MCC: variants seen among roughly 807,000 people sequenced by gnomAD.
MCC encodes MCC regulator of Wnt signaling pathway.
In MCC, 90 loss-of-function variants were observed where a neutral mutation model predicts 116.2. The observed-to-expected ratio is 0.77, with a 90% CI of 0.65 to 0.92. The LOEUF is 0.92. Among genes scored for constraint, MCC ranks in the 40% least tolerant of loss-of-function variants. The pLI is 0.00. For missense variants in MCC, 1,516 were observed against 1,312.2 expected, an observed-to-expected ratio of 1.16 and a Z score of -2.40; for synonymous variants, 578 against 510.5, an observed-to-expected ratio of 1.13 and a Z score of -1.78.
chr5:113,330,172 A>C (rs1767664914), intron 3 of MCC, among the ~76,000 whole-genome samples: 1 of 152,220 alleles, frequency 6.6e-6, no homozygotes, highest in African/African-American at 2.4e-5. Context: ...TAATCAATCA[A>C]GTTTCTGTAC....
chr5:113,378,318 G>C (rs1180090212), intron 2 of MCC, among the ~76,000 whole-genome samples: 1 of 152,084 alleles, frequency 6.6e-6, no homozygotes, highest in Admixed American at 6.6e-5. Context: ...AGAAACTTCA[G>C]TACTTTATTT....
At chr5:113,196,152 T>C (rs368005949) in intron 3 of MCC, among the ~76,000 whole-genome samples, 30 of 152,382 alleles carry the variant, frequency 2.0e-4, no homozygotes, top group Admixed American at 1.3e-3. Flanking sequence ...GATATACCTA[T>C]GGGTGAGATA....
rs4705822 is a variant in MCC, at chr5:113,441,315, A to G, written c.170+46930T>C. Reference sequence around the variant, plus strand: ...GTGCCACTGCACCATCTGTTGCCTGAACGACAGAATGAGACACTGTCTCAA... The same window carrying G: ...GTGCCACTGCACCATCTGTTGCCTGGACGACAGAATGAGACACTGTCTCAA... On this transcript the variant is annotated intron_variant, in intron 1 of 18. Transcript: ENST00000408903. Among the ~76,000 whole-genome samples the G allele has an allele frequency of 8.6e-3, 1,303 of 152,314 alleles. 6 individuals carry two copies. The highest frequency in any genetic ancestry group is 0.013 in the Non-Finnish European group (874 of 68,032).
intron 3 of MCC, among the ~76,000 whole-genome samples, chr5:113,286,181 A>T (rs1040780458): frequency 6.6e-6 from 1 of 152,236 alleles, no homozygotes; most frequent in Non-Finnish European, 1.5e-5. Flanking sequence ...TAAGGGAAGG[A>T]ACAACTAACC....
At chr5:113,233,585 T>C (rs1226370190) in intron 3 of MCC, among the ~76,000 whole-genome samples, 1 of 152,204 alleles carries the variant, frequency 6.6e-6, no homozygotes. Flanking sequence ...TTGTGATTTA[T>C]AGTTTTGGGG....
At chr5:113,069,693 C>T (rs954035814) in intron 12 of MCC, among the ~76,000 whole-genome samples, 7 of 152,178 alleles carry the variant, frequency 4.6e-5, no homozygotes, top group Admixed American at 6.5e-5. Flanking sequence ...CTCAGCCTCC[C>T]GCCTCAGCCT....
chr5:113,358,629 G>A lies in MCC; in HGVS notation c.416-17899C>T, dbSNP rs575821289. Among the ~76,000 whole-genome samples, 7 of 152,242 alleles carry A rather than the reference G, an allele frequency of 4.6e-5. No homozygotes were observed. In the South Asian group the frequency reaches 1.5e-3, roughly 32 times the overall value. ...ATTTATTACCCTCCATGTCAAGAAG[G>A]AAAATAATCCTTTCAATATACCAGA... On this transcript the variant is annotated intron_variant, in intron 2 of 18. Coordinates refer to ENST00000408903, the MANE Select transcript of MCC (RefSeq NM_001085377.2).
intron 3 of MCC, among the ~76,000 whole-genome samples, chr5:113,312,485 A>T (rs1409799999): frequency 6.6e-6 from 1 of 152,168 alleles, no homozygotes; most frequent in East Asian, 1.9e-4. Context: ...AGTCACAGAA[A>T]CTTCAAATAC....
At position 113,333,828 on chromosome 5, in the gene MCC, T is replaced by TACATATATAC. The variant is rs71687516; in HGVS notation, c.627+6690_627+6691insGTATATATGT. On this transcript the variant is annotated intron_variant, in intron 3 of 18. Coordinates refer to ENST00000408903, the MANE Select transcript of MCC (RefSeq NM_001085377.2). The stretch of plus-strand genomic sequence containing the variant: ...ATATATGTATATATGTACATATATG[T>TACATATATAC]ATATATGTATATATGTATATATGTA... Among the ~76,000 whole-genome samples the TACATATATAC allele has an allele frequency of 0.012, 151 of 12,290 alleles. 16 individuals are homozygous for TACATATATAC. The East Asian group carries it at 0.32, about 26-fold the overall frequency. The allele number at this position is 12,290 out of a possible 152,430, so 8.1% of individuals were successfully genotyped here.
intron 3 of MCC, chr5:113,294,716 C>G: frequency 2.0e-6 from 2 of 1,010,034 alleles, no homozygotes. Flanking sequence ...GGCGCCGCCT[C>G]GCCACTCCTA....
chr5:113,135,311 T>C (rs773821597), intron 5 of MCC, among the ~76,000 whole-genome samples: 8 of 148,908 alleles, frequency 5.4e-5, no homozygotes, highest in Non-Finnish European at 1.2e-4. Flanking sequence ...TCCCAGCACT[T>C]TGGGAGGCCG....
At chr5:113,091,375 A>G (rs1755630436) in intron 8 of MCC, among the ~76,000 whole-genome samples, 1 of 152,218 alleles carries the variant, frequency 6.6e-6, no homozygotes, top group Non-Finnish European at 1.5e-5. Flanking sequence ...CAAAGCTGCC[A>G]GACACAGAGT....
chr5:113,188,213 C>T (rs1026615213), intron 3 of MCC, among the ~76,000 whole-genome samples: 3 of 152,148 alleles, frequency 2.0e-5, no homozygotes, highest in African/African-American at 7.2e-5. Context: ...TCTCTGGATG[C>T]CCCATTGTCT....
At position 113,210,216 on chromosome 5, in the gene MCC, A is replaced by G. The variant is rs543752650; in HGVS notation, c.628-58794T>C. Among the ~76,000 whole-genome samples the G allele has an allele frequency of 5.7e-3, 634 of 110,782 alleles. 4 individuals carry two copies. The highest frequency in any genetic ancestry group is 0.05 in the Middle Eastern group (10 of 202). 72.7% of individuals were successfully genotyped at this position (110,782 alleles called of 152,430 possible). A position where few individuals can be genotyped will look rare whatever the true frequency, so the allele number is the denominator to read the frequency against. The stretch of plus-strand genomic sequence containing the variant: ...AACAGTACAACTTTTCCCCTCCCAG[A>G]GAAGTGACTCTAACCAGGAATTACA... On this transcript the variant is annotated intron_variant, in intron 3 of 18. Coordinates refer to ENST00000408903, the MANE Select transcript of MCC (RefSeq NM_001085377.2).
chr5:113,075,122 C>T (rs1046447126), intron 11 of MCC, among the ~76,000 whole-genome samples: 2 of 152,236 alleles, frequency 1.3e-5, no homozygotes, highest in African/African-American at 2.4e-5. Context: ...CCAGGCCCCG[C>T]ACTTGGAGCA....
At chr5:113,244,156 A>C (rs1406622740) in intron 3 of MCC, among the ~76,000 whole-genome samples, 2 of 152,240 alleles carry the variant, frequency 1.3e-5, no homozygotes, top group Admixed American at 6.5e-5. Flanking sequence ...CTTCTCTAAT[A>C]AATTTGTAAA....
intron 3 of MCC, among the ~76,000 whole-genome samples, chr5:113,228,313 C>CACACACACACCTACCAT (rs1763821385): frequency 6.6e-6 from 1 of 152,066 alleles, no homozygotes; most frequent in Non-Finnish European, 1.5e-5. Flanking sequence ...TGAGTTCTTA[C>CACACACACACCTACCAT]ACACACACAC....
At position 113,122,844 on chromosome 5, in the gene MCC, T is replaced by C. The variant is rs745397824; in HGVS notation, c.885-18A>G. Reference sequence around the variant, plus strand: ...CTTCCTCCCTGAGAAAAAAGGAGAATTGGCAACCACTAACAGAGGATATAA... The same window carrying C: ...CTTCCTCCCTGAGAAAAAAGGAGAACTGGCAACCACTAACAGAGGATATAA... On this transcript the variant is annotated intron_variant, in intron 5 of 18. Coordinates refer to ENST00000408903, the MANE Select transcript of MCC (RefSeq NM_001085377.2). The C allele has an allele frequency of 2.5e-6, 4 of 1,613,878 alleles. No individual in the cohort carries two copies. Among genetic ancestry groups the C allele is most frequent in the Admixed American group, 1.7e-5 (1 of 60,018 alleles).
chr5:113,068,255 G>C (rs1753764869), intron 12 of MCC, 72 bp from the exon 13 acceptor site: 1 of 1,185,818 alleles, frequency 8.4e-7, no homozygotes, highest in African/African-American at 1.5e-5. Flanking sequence ...GCCGGTTTCT[G>C]TGCAGGAGGC....
Sources: allele counts gnomAD v4.1 joint callset (sites outside exome capture counted in the v4.1 genomes callset), GRCh38; gene constraint gnomAD v4.1.1; transcripts MANE v1.5; gene names NCBI Gene and HGNC (gene_info 2026-07-23, HGNC 2026-07-21).